Variants in FOXP2 observed in about 807,000 individuals in gnomAD.
FOXP2 encodes forkhead box P2, also known as forkhead box protein P2.
Under a neutral mutation model 115.8 loss-of-function variants are expected in FOXP2, and 12 were observed. The ratio of observed to expected loss-of-function variants is 0.10; its 90% CI spans 0.07 to 0.17. The LOEUF (loss-of-function observed/expected upper bound fraction) is 0.17. FOXP2 is among the 10% of genes least tolerant of loss of function. The pLI, the probability that FOXP2 is intolerant of heterozygous loss-of-function variation, is 1.00. For missense variants in FOXP2, 629 were observed against 843.5 expected, an observed-to-expected ratio of 0.75 and a Z score of 3.15; for synonymous variants, 328 against 297.7, an observed-to-expected ratio of 1.10 and a Z score of -1.05.
intron 1 of FOXP2, among the ~76,000 whole-genome samples, chr7:114,179,399 A>G (rs1027965101): frequency 6.6e-6 from 1 of 151,934 alleles, no homozygotes; most frequent in Non-Finnish European, 1.5e-5. Flanking sequence ...TTTAAGAATC[A>G]GTGTCATAAG....
At chr7:114,467,539 C>G (rs10225528) in intron 2 of FOXP2, among the ~76,000 whole-genome samples, 123,870 of 152,034 alleles carry the variant, frequency 0.81, 51,301 homozygotes, top group East Asian at 0.97. Flanking sequence ...TCATAAGTTG[C>G]AACTATTGCA....
intron 1 of FOXP2, among the ~76,000 whole-genome samples, chr7:114,175,787 G>A (rs998789973): frequency 6.6e-5 from 10 of 152,066 alleles, no homozygotes; most frequent in African/African-American, 1.9e-4. Flanking sequence ...TTATGTTAAC[G>A]ATTCTCTTCC....
At chr7:114,215,724 T>C (rs1426310556) in intron 1 of FOXP2, among the ~76,000 whole-genome samples, 1 of 151,644 alleles carries the variant, frequency 6.6e-6, no homozygotes, top group African/African-American at 2.4e-5. Context: ...GTTCAGTAAA[T>C]ACTGAATCAA....
In FOXP2 at chr7:114,241,898, T is replaced by C. The variant is rs944400405; in HGVS notation, c.-101-46121T>C. Among the ~76,000 whole-genome samples the C allele has an allele frequency of 3.3e-5, 5 of 151,510 alleles. No homozygotes were observed. The Admixed American group carries it at 3.3e-4, about 10-fold the overall frequency. ...CCCTGCTTCCTTTCTTTCCCCCAACTAAAACCATGCCCATCCTTGAAATCT... is the reference window on the plus strand; with the variant it reads ...CCCTGCTTCCTTTCTTTCCCCCAACCAAAACCATGCCCATCCTTGAAATCT... On this transcript the variant is annotated intron_variant, in intron 1 of 17. Coordinates refer to the FOXP2 transcript ENST00000634411.
At chr7:114,660,548 C>T (rs1806807455) in intron 13 of FOXP2, among the ~76,000 whole-genome samples, 1 of 152,124 alleles carries the variant, frequency 6.6e-6, no homozygotes, top group Admixed American at 6.6e-5. Context: ...CAAGCGATTA[C>T]AGATATATGG....
chr7:114,670,003 G>C (rs1807407055), intron 16 of FOXP2: 2 of 151,966 alleles, frequency 1.3e-5, no homozygotes, highest in South Asian at 4.1e-4. Context: ...TGTATGGAGT[G>C]CTTTACTCAC....
At chr7:114,440,124 G>A (rs1300811017) in intron 2 of FOXP2, among the ~76,000 whole-genome samples, 4 of 152,048 alleles carry the variant, frequency 2.6e-5, no homozygotes, top group African/African-American at 9.7e-5. Context: ...CTCTTATTAT[G>A]ATCCCCATTT....
chr7:114,251,692 GTAACA>G, intron 1 of FOXP2, among the ~76,000 whole-genome samples: 1 of 152,194 alleles, frequency 6.6e-6, no homozygotes, highest in African/African-American at 2.4e-5. Flanking sequence ...ATTTTGAGCT[GTAACA>G]ATGGGGTTTT....
intron 2 of FOXP2, among the ~76,000 whole-genome samples, chr7:114,459,751 G>T (rs1795479527): frequency 6.6e-6 from 1 of 152,060 alleles, no homozygotes; most frequent in Non-Finnish European, 1.5e-5. Context: ...GGGTAGCTGG[G>T]ATTACAAACA....
At chr7:114,686,755 T>C (rs1808385283) in intron 16 of FOXP2, among the ~76,000 whole-genome samples, 2 of 152,176 alleles carry the variant, frequency 1.3e-5, no homozygotes, top group Admixed American at 6.5e-5. Flanking sequence ...AAATTTTGTG[T>C]GTATCAAAGT....
intron 1 of FOXP2, among the ~76,000 whole-genome samples, chr7:114,420,991 G>T (rs979721370): frequency 2.6e-5 from 4 of 151,532 alleles, no homozygotes; most frequent in African/African-American, 7.3e-5. Flanking sequence ...ATATAATTTT[G>T]AAATATATTT....
At chr7:114,603,911 A>G (rs2129314895) in intron 3 of FOXP2, among the ~76,000 whole-genome samples, 1 of 152,342 alleles carries the variant, frequency 6.6e-6, no homozygotes, top group Non-Finnish European at 1.5e-5. Flanking sequence ...CTTAATTAGA[A>G]AAAATAATTA....
At chr7:114,578,542 G>C (rs565681471) in intron 3 of FOXP2, among the ~76,000 whole-genome samples, 4 of 152,122 alleles carry the variant, frequency 2.6e-5, no homozygotes, top group Admixed American at 6.5e-5. Context: ...CTTTAGTCTT[G>C]ACTCATGGTT....
rs1562974916 is a variant in FOXP2, at chr7:114,132,579, G to GAC, written c.-246-30365_-246-30364insAC. Among the ~76,000 whole-genome samples the GAC allele has an allele frequency of 4.0e-5, 5 of 126,462 alleles. No homozygotes were observed. In the East Asian group the frequency reaches 1.1e-3, roughly 28 times the overall value. 83.0% of individuals were successfully genotyped at this position (126,462 alleles called of 152,430 possible). On this transcript the variant is annotated intron_variant, in intron 1 of 19. Coordinates refer to the FOXP2 transcript ENST00000635638. ...TGTGTGTGTGTGTGTGTGTGTGTGT[G>GAC]TGTGAGAGAGAGAGAGAGAGAGAGA...
intron 1 of FOXP2, among the ~76,000 whole-genome samples, chr7:114,172,016 A>T (rs1793156287): frequency 6.6e-6 from 1 of 152,156 alleles, no homozygotes; most frequent in African/African-American, 2.4e-5. Context: ...GATGTGATGG[A>T]ATTGCTGCAA....
chr7:114,150,136 A>G (rs766247806), intron 1 of FOXP2, among the ~76,000 whole-genome samples: 5 of 152,028 alleles, frequency 3.3e-5, no homozygotes, highest in Non-Finnish European at 5.9e-5. Context: ...TTTTACTTCA[A>G]TTCTTAAAGG....
chr7:114,251,395 C>T (rs936687144), intron 1 of FOXP2, among the ~76,000 whole-genome samples: 21 of 152,104 alleles, frequency 1.4e-4, no homozygotes, highest in Non-Finnish European at 2.8e-4. Flanking sequence ...GGCAGTATGG[C>T]CATTTTCATT....
At chr7:114,470,843 G>C (rs550242056) in intron 2 of FOXP2, among the ~76,000 whole-genome samples, 1 of 151,882 alleles carries the variant, frequency 6.6e-6, no homozygotes, top group Non-Finnish European at 1.5e-5. Flanking sequence ...GGAAGGGGAA[G>C]GGGGAGAGCA....
At chr7:114,221,624 C>T (rs1794624712) in intron 1 of FOXP2, among the ~76,000 whole-genome samples, 1 of 152,022 alleles carries the variant, frequency 6.6e-6, no homozygotes, top group Non-Finnish European at 1.5e-5. Flanking sequence ...CTTAGGGTCC[C>T]CCATGTCTCC....
Sources: gnomAD v4.1 joint callset for allele counts (sites outside exome capture counted in the v4.1 genomes callset) on GRCh38, gnomAD v4.1.1 for gene constraint, MANE v1.5 for transcripts, NCBI Gene and HGNC (gene_info 2026-07-23, HGNC 2026-07-21) for gene names.